Variants in FBXO22 observed in about 807,000 individuals in gnomAD.
FBXO22 encodes F-box protein 22, also known as F-box only protein 22.
A neutral mutation model predicts 37.2 loss-of-function variants in FBXO22; 13 were observed. The ratio of observed to expected loss-of-function variants is 0.35; its 90% CI spans 0.23 to 0.56. The LOEUF (loss-of-function observed/expected upper bound fraction) is 0.56. Ranked by LOEUF, FBXO22 falls within the 20% of genes least tolerant of loss-of-function variation. The probability of loss-of-function intolerance (pLI) is 0.87; values close to 1 mark genes in which losing one functional copy is unlikely to be tolerated. For missense variants in FBXO22, 446 were observed against 509.9 expected (o/e 0.87, Z 1.21); for synonymous variants, 189 against 189.1 (o/e 1.00, Z 0.00).
chr15:75,912,049 T>C (rs2141706253), intron 2 of FBXO22, among the ~76,000 whole-genome samples: 1 of 151,948 alleles, frequency 6.6e-6, no homozygotes, highest in East Asian at 1.9e-4. Context: ...GTTCTGTTTA[T>C]ATGATGTATA....
In FBXO22 at chr15:75,932,941, A is replaced by G. The variant is rs773405572; in HGVS notation, c.1051A>G (p.Ser351Gly). 4.3e-6 allele frequency: 7 copies of G among 1,614,220 alleles called. No homozygotes were observed. In the South Asian group the frequency reaches 5.5e-5, roughly 13 times the overall value. The change falls in exon 7 of 7, where the codon AGT becomes GGT. Residue 351 changes from serine to glycine, a missense_variant. Coordinates refer to ENST00000308275, the MANE Select transcript of FBXO22 (RefSeq NM_147188.3). ...EADAFRKFFP[S>G]VPLFGFFGNG... ...TGATGCATTTAGAAAGTTTTTTCCT[A>G]GTGTTCCCTTATTCGGCTTCTTTGG... is the stretch of plus-strand genomic sequence containing the variant.
chr15:75,941,336 A>T lies in FBXO22; in HGVS notation c.*8234A>T, dbSNP rs934913002. On this transcript the variant is annotated 3_prime_UTR_variant, in exon 7 of 7. Coordinates refer to ENST00000308275, the MANE Select transcript of FBXO22 (RefSeq NM_147188.3). The stretch of plus-strand genomic sequence containing the variant: ...GAACTCTTATTACTGATGGAAATAT[A>T]GTGGTATGCAGCTGCTGTAGAAAAC... 9 of 152,202 alleles carry T rather than the reference A, an allele frequency of 5.9e-5. No individual in the cohort carries two copies. The highest frequency in any genetic ancestry group is 2.2e-4 in the African/African-American group (9 of 41,464). 9.4% of individuals were successfully genotyped at this position (152,202 alleles called of 1,614,324 possible). A position where few individuals can be genotyped will look rare whatever the true frequency, so the allele number is the denominator to read the frequency against.
rs757647110 is a variant in FBXO22 at position 75,933,706 on chromosome 15, T to G, written c.*604T>G. 1 of 295,744 alleles carries G rather than the reference T, an allele frequency of 3.4e-6. No individual in the cohort carries two copies. Among genetic ancestry groups the G allele is most frequent in the South Asian group, 2.9e-5 (1 of 34,156 alleles). 18.3% of individuals were successfully genotyped at this position (295,744 alleles called of 1,614,324 possible). ...GTATTTTATTATAAGTAAAAGATTT[T>G]TCTTCTTTCCTTAAAAATATTTTTT... On this transcript the variant is annotated 3_prime_UTR_variant, in exon 7 of 7. Coordinates refer to ENST00000308275, the MANE Select transcript of FBXO22 (RefSeq NM_147188.3).
In FBXO22 at chr15:75,917,368, T is replaced by C. The variant is rs539598732; in HGVS notation, c.602T>C (p.Leu201Ser). Residue 201 changes from leucine (L) to serine (S), a missense_variant, in exon 5 of 7, where the codon TTA becomes TCA. Leu to Ser is a moderately radical substitution (Grantham distance 145, BLOSUM62 -2). Around this residue, in one of 2 missense-constraint regions of FBXO22, gnomAD observed 315 missense variants for 410.1 expected, o/e 0.77. Coordinates refer to ENST00000308275, the MANE Select transcript of FBXO22 (RefSeq NM_147188.3). Reference sequence around the variant, plus strand: ...ATTAAGGATCCAAAGAATTTAACATTAGAAAGACATCAACTCACTGAAGTA... The same window carrying C: ...ATTAAGGATCCAAAGAATTTAACATCAGAAAGACATCAACTCACTGAAGTA... ...HFIKDPKNLTLERHQLTEVGL... is the reference protein window; with the variant it reads ...HFIKDPKNLTSERHQLTEVGL... The C allele has an allele frequency of 6.3e-7, 1 of 1,597,144 alleles. No homozygotes were observed. Among genetic ancestry groups the C allele is most frequent in the African/African-American group, 1.3e-5 (1 of 74,488 alleles).
At chr15:75,913,712 C>T (rs1387747007) in intron 3 of FBXO22, among the ~76,000 whole-genome samples, 1 of 152,142 alleles carries the variant, frequency 6.6e-6, no homozygotes, top group Non-Finnish European at 1.5e-5. Flanking sequence ...ACACTCAGGT[C>T]CCAAGTTAGA....
chr15:75,932,337 T>G (rs1405430275), intron 6 of FBXO22, among the ~76,000 whole-genome samples: 1 of 152,228 alleles, frequency 6.6e-6, no homozygotes, highest in Non-Finnish European at 1.5e-5. Flanking sequence ...GTGGATATCT[T>G]TGTGTATATT....
At chr15:75,923,266 A>T (rs574352228) in intron 5 of FBXO22, among the ~76,000 whole-genome samples, 1 of 152,246 alleles carries the variant, frequency 6.6e-6, no homozygotes, top group Non-Finnish European at 1.5e-5. Flanking sequence ...TTATAGTGCC[A>T]AGTATAGGAA....
chr15:75,904,677 C>A, intron 2 of FBXO22, 48 bp downstream of exon 2: 3 of 1,529,552 alleles, frequency 2.0e-6, no homozygotes, highest in Non-Finnish European at 2.6e-6. Context: ...GTTGGTGGTT[C>A]AGTCTTTGAG....
At chr15:75,932,549 C>T (rs2030075705) in intron 6 of FBXO22, 136 bp from the exon 7 acceptor site, 1 of 774,426 alleles carries the variant, frequency 1.3e-6, no homozygotes, top group African/African-American at 1.7e-5. Context: ...TTTTACTCAC[C>T]TATGAGGGTG....
chr15:75,910,422 A>C (rs1900028500), intron 2 of FBXO22: 1 of 152,160 alleles, frequency 6.6e-6, no homozygotes, highest in Admixed American at 6.5e-5. Flanking sequence ...CATCCTCTCC[A>C]GCATCTGTTG....
At position 75,933,387 on chromosome 15, in the gene FBXO22, A is replaced by C; in HGVS notation, c.*285A>C. On this transcript the variant is annotated 3_prime_UTR_variant, in exon 7 of 7. Coordinates refer to ENST00000308275, the MANE Select transcript of FBXO22 (RefSeq NM_147188.3). ...GTAGCTGCTGTGTAACATGACCTTA[A>C]ATAGTCTTCCTGCATAGGAAGAGCA... The C allele has an allele frequency of 2.9e-6, 1 of 342,326 alleles. No individual in the cohort carries two copies. The allele number at this position is 342,326 out of a possible 1,614,324, so 21.2% of individuals were successfully genotyped here.
chr15:75,924,807 C>T lies in FBXO22; in HGVS notation c.629-5077C>T, dbSNP rs560026502. Among the ~76,000 whole-genome samples, 4 of 152,304 alleles carry T rather than the reference C, an allele frequency of 2.6e-5. No individual in the cohort carries two copies. The East Asian group carries it at 5.8e-4, about 22-fold the overall frequency. ...CTTGAGAGCCAGAGCCTCTTTGCTCCTTTGAGAATGCTTGAGGTGGTTAGT... is the reference window on the plus strand; with the variant it reads ...CTTGAGAGCCAGAGCCTCTTTGCTCTTTTGAGAATGCTTGAGGTGGTTAGT... On this transcript the variant is annotated intron_variant, in intron 5 of 6. Transcript: ENST00000308275.
intron 4 of FBXO22, among the ~76,000 whole-genome samples, chr15:75,916,850 T>G (rs1464146516): frequency 5.6e-5 from 2 of 35,956 alleles, no homozygotes; most frequent in East Asian, 3.6e-3. Context: ...TGTCAAATAT[T>G]TTTAGGGTAA....
chr15:75,909,474 A>C (rs1474108878), intron 2 of FBXO22, among the ~76,000 whole-genome samples: 1 of 152,194 alleles, frequency 6.6e-6, no homozygotes, highest in African/African-American at 2.4e-5. Flanking sequence ...ATAAGCAGTG[A>C]AAAGGGAGTG....
chr15:75,909,669 A>G (rs1459786436), intron 2 of FBXO22, among the ~76,000 whole-genome samples: 1 of 152,206 alleles, frequency 6.6e-6, no homozygotes, highest in Admixed American at 6.5e-5. Flanking sequence ...AAATGAACTG[A>G]AAATGAAAGA....
rs1166441957 is a variant in FBXO22, at chr15:75,937,084, A to G, written c.*3982A>G. 2.6e-5 allele frequency: 4 copies of G among 152,116 alleles called. No individual in the cohort carries two copies. The highest frequency in any genetic ancestry group is 9.7e-5 in the African/African-American group (4 of 41,424). 9.4% of individuals were successfully genotyped at this position (152,116 alleles called of 1,614,324 possible). On this transcript the variant is annotated 3_prime_UTR_variant, in exon 7 of 7. Coordinates refer to ENST00000308275, the MANE Select transcript of FBXO22 (RefSeq NM_147188.3). ...TGACTAAAATTTAATCACTATACTT[A>G]ATAAACATACTCTATTCAAGGTCTT...
At chr15:75,921,077 C>G (rs1412533955) in intron 5 of FBXO22, among the ~76,000 whole-genome samples, 1 of 152,138 alleles carries the variant, frequency 6.6e-6, no homozygotes, top group Non-Finnish European at 1.5e-5. Context: ...CCTATTGCCC[C>G]TAGACTACAA....
chr15:75,910,021 G>A (rs983342871), intron 2 of FBXO22, among the ~76,000 whole-genome samples: 1 of 152,072 alleles, frequency 6.6e-6, no homozygotes, highest in Non-Finnish European at 1.5e-5. Flanking sequence ...GCAGCATTTG[G>A]TTTTCTGTTC....
At chr15:75,904,866 C>G (rs931278854) in intron 2 of FBXO22, among the ~76,000 whole-genome samples, 1 of 149,454 alleles carries the variant, frequency 6.7e-6, no homozygotes, top group Admixed American at 6.7e-5. Flanking sequence ...CTCTGTGGCC[C>G]AGGCTGGAGT....
Sources: allele counts gnomAD v4.1 joint callset (sites outside exome capture counted in the v4.1 genomes callset), GRCh38; gene constraint gnomAD v4.1.1; regional missense constraint gnomAD v4.1.1; transcripts MANE v1.5; gene names NCBI Gene and HGNC (gene_info 2026-07-23, HGNC 2026-07-21).